PDE4D: variants seen among roughly 807,000 people sequenced by gnomAD.
PDE4D encodes phosphodiesterase 4D.
In PDE4D, 24 loss-of-function variants were observed where a neutral mutation model predicts 87.4. The ratio of observed to expected loss-of-function variants is 0.27; its 90% CI spans 0.20 to 0.39. The LOEUF (loss-of-function observed/expected upper bound fraction) is 0.39. Among genes scored for constraint, PDE4D ranks in the 10% least tolerant of loss-of-function variants. The probability of loss-of-function intolerance (pLI) is 1.00; values close to 1 mark genes in which losing one functional copy is unlikely to be tolerated. For synonymous variants in PDE4D, 384 were observed against 383.2 expected, an observed-to-expected ratio of 1.00 and a Z score of -0.02; for missense variants, 714 against 1,041.0, an observed-to-expected ratio of 0.69 and a Z score of 4.32.
chr5:59,577,681 T>C (rs1823400877), intron 1 of PDE4D, among the ~76,000 whole-genome samples: 1 of 152,160 alleles, frequency 6.6e-6, no homozygotes, highest in Non-Finnish European at 1.5e-5. Context: ...AAGCAAGCTC[T>C]GTATAAAGTA....
chr5:59,806,709 G>A (rs772943712), intron 1 of PDE4D, among the ~76,000 whole-genome samples: 2 of 152,086 alleles, frequency 1.3e-5, no homozygotes, highest in Non-Finnish European at 2.9e-5. Flanking sequence ...ATAGTTACAG[G>A]ACTACAGTTA....
intron 1 of PDE4D, among the ~76,000 whole-genome samples, chr5:60,327,816 C>T (rs1354815563): frequency 6.6e-6 from 1 of 152,092 alleles, no homozygotes; most frequent in African/African-American, 2.4e-5. Context: ...TTACAGGCAA[C>T]AATATAGATG....
chr5:58,976,051 T>C (rs1347413283), intron 13 of PDE4D, among the ~76,000 whole-genome samples: 2 of 152,182 alleles, frequency 1.3e-5, no homozygotes, highest in Non-Finnish European at 2.9e-5. Context: ...TGCATCTAAA[T>C]AGCTTAAGAG....
At chr5:60,063,035 A>G (rs919776147) in intron 2 of PDE4D, among the ~76,000 whole-genome samples, 6 of 151,236 alleles carry the variant, frequency 4.0e-5, no homozygotes, top group African/African-American at 1.5e-4. Context: ...TATACTGTGT[A>G]AGAAACCTGC....
chr5:60,280,406 A>G (rs1163488677), intron 1 of PDE4D, among the ~76,000 whole-genome samples: 2 of 151,858 alleles, frequency 1.3e-5, no homozygotes, highest in South Asian at 2.1e-4. Flanking sequence ...AGCTATGTAT[A>G]CTCCATCTTC....
intron 5 of PDE4D, among the ~76,000 whole-genome samples, chr5:59,086,092 G>C (rs1250351988): frequency 1.3e-5 from 2 of 152,112 alleles, no homozygotes; most frequent in Non-Finnish European, 2.9e-5. Flanking sequence ...CTTTACACAG[G>C]AGAAAATCGA....
intron 1 of PDE4D, among the ~76,000 whole-genome samples, chr5:59,769,308 C>G (rs937679868): frequency 6.6e-6 from 1 of 152,098 alleles, no homozygotes; most frequent in African/African-American, 2.4e-5. Context: ...TTAATTAGGG[C>G]CCTTTCAAAG....
chr5:59,732,377 C>A (rs989220213), intron 1 of PDE4D, among the ~76,000 whole-genome samples: 2 of 146,504 alleles, frequency 1.4e-5, no homozygotes, highest in Admixed American at 6.8e-5. Flanking sequence ...CTGTGAATTT[C>A]AAATGTCAGG....
At chr5:60,281,681 T>C (rs543410271) in intron 1 of PDE4D, among the ~76,000 whole-genome samples, 223 of 152,266 alleles carry the variant, frequency 1.5e-3, no homozygotes, top group Middle Eastern at 6.8e-3. Flanking sequence ...ATTATTAACT[T>C]ACTTAGTTAA....
intron 1 of PDE4D, among the ~76,000 whole-genome samples, chr5:59,411,196 G>C (rs1214142973): frequency 6.6e-6 from 1 of 152,098 alleles, no homozygotes; most frequent in Non-Finnish European, 1.5e-5. Flanking sequence ...CAAAGGGAAT[G>C]GTTTGCTGGT....
At chr5:59,486,407 G>A (rs983825549) in intron 1 of PDE4D, among the ~76,000 whole-genome samples, 4 of 152,088 alleles carry the variant, frequency 2.6e-5, no homozygotes, top group Admixed American at 2.6e-4. Context: ...AACTACTCCT[G>A]CTCTAACAGC....
chr5:59,388,433 T>G (rs1377022845), intron 1 of PDE4D, among the ~76,000 whole-genome samples: 1 of 152,036 alleles, frequency 6.6e-6, no homozygotes, highest in African/African-American at 2.4e-5. Context: ...AGCATCGAGG[T>G]TCTTTAAAAG....
chr5:59,529,021 C>A, intron 1 of PDE4D: 2 of 469,482 alleles, frequency 4.3e-6, no homozygotes, highest in South Asian at 1.5e-5. Flanking sequence ...GTACAACAAC[C>A]AACTCTAACC....
chr5:59,266,140 T>C (rs1762821075), intron 1 of PDE4D, among the ~76,000 whole-genome samples: 1 of 151,956 alleles, frequency 6.6e-6, no homozygotes, highest in Non-Finnish European at 1.5e-5. Context: ...TGTATGCCTG[T>C]AGTCCCAGTT....
chr5:59,559,779 G>A (rs1480733248), intron 1 of PDE4D, among the ~76,000 whole-genome samples: 1 of 152,158 alleles, frequency 6.6e-6, no homozygotes, highest in Non-Finnish European at 1.5e-5. Context: ...CACTCAAAAA[G>A]AGTTCTTGTG....
intron 3 of PDE4D, among the ~76,000 whole-genome samples, chr5:59,967,975 C>CTT (rs34199262): frequency 3.6e-4 from 19 of 52,726 alleles, no homozygotes; most frequent in East Asian, 7.8e-4. Context: ...GAGCCATATG[C>CTT]TTTTTTTTTT....
chr5:59,297,686 C>G (rs766732324), intron 1 of PDE4D, among the ~76,000 whole-genome samples: 26 of 151,768 alleles, frequency 1.7e-4, no homozygotes, highest in Non-Finnish European at 3.5e-4. Context: ...AGGAAGCACT[C>G]AAGAAATATT....
chr5:60,143,633 G>A (rs1483693279), intron 2 of PDE4D, among the ~76,000 whole-genome samples: 4 of 145,678 alleles, frequency 2.7e-5, no homozygotes, highest in African/African-American at 1.0e-4. Flanking sequence ...GTGTGTGTGT[G>A]TGTGTGTGTG....
chr5:59,050,541 T>A (rs1409313575), intron 5 of PDE4D, among the ~76,000 whole-genome samples: 3 of 152,230 alleles, frequency 2.0e-5, no homozygotes, highest in Non-Finnish European at 4.4e-5. Flanking sequence ...GTATATGAAC[T>A]GGCTCCATAC....
Sources: gnomAD v4.1 joint callset for allele counts (sites outside exome capture counted in the v4.1 genomes callset) on GRCh38, gnomAD v4.1.1 for gene constraint, MANE v1.5 for transcripts, NCBI Gene and HGNC (gene_info 2026-07-23, HGNC 2026-07-21) for gene names.